CDK10: variants seen among roughly 807,000 people sequenced by gnomAD.
The protein encoded by CDK10 is cyclin dependent kinase 10, also known as cyclin-dependent kinase 10.
CDK10 carries 55 observed loss-of-function variants against 51.0 expected under a neutral mutation model. That is an observed-to-expected ratio of 1.08 (90% CI 0.87 to 1.35). CDK10 has a LOEUF of 1.35. Ranked by LOEUF, CDK10 falls within the 40% of genes most tolerant of loss-of-function variation. CDK10 has a pLI of 0.00. For synonymous variants in CDK10, 255 were observed against 199.1 expected (o/e 1.28, Z -2.36); for missense variants, 589 against 485.1 (o/e 1.21, Z -2.01).
chr16:89,687,994 T>C (rs1000199180), intron 1 of CDK10, among the ~76,000 whole-genome samples: 1 of 151,480 alleles, frequency 6.6e-6, no homozygotes, highest in African/African-American at 2.4e-5. Context: ...GGAGGATTGC[T>C]TGAGCCCAGG....
At position 89,690,592 on chromosome 16, in the gene CDK10, T is replaced by A; in HGVS notation, c.200T>A (p.Leu67Gln). ...RDTQTDEIVA[L>Q]KKVRMDKEKD... ...ACCCAGACAGATGAGATTGTCGCAC[T>A]GAAGAAGGTGCGGATGGACAAGGAG... The change falls in exon 3 of 13, where the codon CTG (leucine) becomes CAG (glutamine). Residue 67 changes from leucine to glutamine, a missense_variant. Transcript: ENST00000353379. The A allele has an allele frequency of 6.2e-7, 1 of 1,614,060 alleles. No individual in the cohort carries two copies. Among genetic ancestry groups the A allele is most frequent in the Non-Finnish European group, 8.5e-7 (1 of 1,179,962 alleles).
chr16:89,695,180 C>T (rs2060656807), intron 11 of CDK10, 110 bp downstream of exon 11: 3 of 1,538,196 alleles, frequency 2.0e-6, no homozygotes, highest in Admixed American at 1.8e-5. Flanking sequence ...GGCACAGCCG[C>T]TCGGAGTGGC....
chr16:89,694,740 C>T lies in CDK10; in HGVS notation c.744C>T (p.Ile248=), dbSNP rs772047655. 9.2e-5 allele frequency: 145 copies of T among 1,575,382 alleles called. No individual in the cohort carries two copies. Among genetic ancestry groups the T allele is most frequent in the Admixed American group, 1.1e-4 (6 of 54,466 alleles). The change falls in exon 10 of 13, where the codon ATC becomes ATT. Residue 248 remains isoleucine (I), a synonymous_variant. Transcript: ENST00000353379. ...CCGGCACTTCCGAGATCCACCAGAT[C>T]GACTTGATCGTGCAGCTGCTGGGCA... ...LLPGTSEIHQ[I]DLIVQLLGTP...
At chr16:89,694,122 G>A (rs2060582039) in intron 8 of CDK10, 51 bp from the exon 9 acceptor site, 1 of 1,585,994 alleles carries the variant, frequency 6.3e-7, no homozygotes, top group Non-Finnish European at 8.7e-7. Context: ...GTGGAGGCCT[G>A]GGCTGGGGGA....
intron 9 of CDK10, 175 bp from the exon 10 acceptor site, chr16:89,694,490 T>A: frequency 8.3e-7 from 1 of 1,208,818 alleles, no homozygotes; most frequent in Non-Finnish European, 1.2e-6. Flanking sequence ...CCGGGAGGCC[T>A]GCGGGGCCCA....
Position 89,694,933 on chromosome 16 carries a change from C to T in CDK10, c.795C>T (p.Gly265=), listed in dbSNP as rs1433161036. The change falls in exon 11 of 13, where the codon GGC becomes GGT. Residue 265 remains glycine, a splice_region_variant and synonymous_variant. Coordinates refer to ENST00000353379, the MANE Select transcript of CDK10 (RefSeq NM_052988.5). ...LGTPSENIWP[G]FSKLPLVGQY... ...GCCTCAGCTCCTGCCTCCCATAGGG[C>T]TTTTCCAAGCTGCCACTGGTCGGCC... is the stretch of plus-strand genomic sequence containing the variant. 1 of 1,612,836 alleles carries T rather than the reference C, an allele frequency of 6.2e-7. No individual in the cohort carries two copies. The highest frequency in any genetic ancestry group is 8.5e-7 in the Non-Finnish European group (1 of 1,179,984).
chr16:89,686,845 C>G (rs1294740838), intron 1 of CDK10, 48 bp downstream of exon 1: 1 of 1,516,478 alleles, frequency 6.6e-7, no homozygotes, highest in Non-Finnish European at 9.1e-7. Context: ...GCTAGCGGCA[C>G]TGCCCGGCTG....
rs1211009396 is a variant in CDK10, at chr16:89,695,802, C to T, written c.*110C>T. ...CAGGCGCCCGGGATCCAGCTCATCCCCTTGGCTGGGAACATCCTCCACTGA... is the reference window on the plus strand; with the variant it reads ...CAGGCGCCCGGGATCCAGCTCATCCTCTTGGCTGGGAACATCCTCCACTGA... On this transcript the variant is annotated 3_prime_UTR_variant, in exon 13 of 13. Transcript: ENST00000353379. 1.3e-6 allele frequency: 2 copies of T among 1,560,466 alleles called. No individual in the cohort carries two copies. Among genetic ancestry groups the T allele is most frequent in the Non-Finnish European group, 1.7e-6 (2 of 1,156,312 alleles).
At chr16:89,687,680 C>G (rs1404879450) in intron 1 of CDK10, 2 of 438,464 alleles carry the variant, frequency 4.6e-6, no homozygotes, top group East Asian at 7.2e-5. Context: ...CTTCCTGCCT[C>G]GGCCTCCCAA....
intron 1 of CDK10, 31 bp downstream of exon 1, chr16:89,686,828 C>A (rs773330906): frequency 1.3e-6 from 2 of 1,580,748 alleles, no homozygotes; most frequent in Non-Finnish European, 1.7e-6. Flanking sequence ...GCAGCTCTGC[C>A]CGCCTCGCTA....
At chr16:89,693,557 C>A (rs1206330337) in intron 8 of CDK10, 90 bp downstream of exon 8, 3 of 1,319,850 alleles carry the variant, frequency 2.3e-6, no homozygotes, top group East Asian at 2.3e-5. Context: ...CTGCAACTGG[C>A]CTTGGGAATG....
chr16:89,694,686 C>T lies in CDK10; in HGVS notation c.690C>T (p.Ala230=), dbSNP rs765411127. ...GCAGGGCTGTGGGCTGCATACTGGCCGAGCTGCTGGCGCACAGGCCTCTTC... is the reference window on the plus strand; with the variant it reads ...GCAGGGCTGTGGGCTGCATACTGGCTGAGCTGCTGGCGCACAGGCCTCTTC... ...IDMWAVGCIL[A]ELLAHRPLLP... Residue 230 remains alanine, a synonymous_variant, in exon 10 of 13, where the codon GCC becomes GCT. Transcript: ENST00000353379. 9.4e-6 allele frequency: 15 copies of T among 1,588,846 alleles called. No individual in the cohort carries two copies. The highest frequency in any genetic ancestry group is 1.7e-4 in the Middle Eastern group (1 of 6,060).
rs536175047 is a variant in CDK10 at position 89,695,956 on chromosome 16, CAT to C, written c.*265_*266del. The C allele has an allele frequency of 3.0e-4, 194 of 647,464 alleles. 2 individuals are homozygous for C. The South Asian group carries it at 3.0e-3, about 10-fold the overall frequency. 40.1% of individuals were successfully genotyped at this position (647,464 alleles called of 1,614,324 possible). A position where few individuals can be genotyped will look rare whatever the true frequency, so the allele number is the denominator to read the frequency against. On this transcript the variant is annotated 3_prime_UTR_variant, in exon 13 of 13. Transcript: ENST00000353379. ...GCTCCATCCGTGGCTGCAGGGGTCT[CAT>C]GTGGTCCTCCTCGCTATGTTGGAAA... is the stretch of plus-strand genomic sequence containing the variant.
At chr16:89,688,668 T>G (rs1279601345) in intron 1 of CDK10, among the ~76,000 whole-genome samples, 1 of 152,212 alleles carries the variant, frequency 6.6e-6, no homozygotes. Context: ...CAGGAGGTAG[T>G]GATACAGGGA....
chr16:89,693,137 C>CA (rs56171201), intron 6 of CDK10, 137 bp from the exon 7 acceptor site: 18,138 of 567,976 alleles, frequency 0.032, no homozygotes, highest in East Asian at 0.089. Flanking sequence ...GACTCTGTCT[C>CA]AAAAAAAAAA....
In CDK10 at chr16:89,695,720, C is replaced by T. The variant is rs1472727259; in HGVS notation, c.*28C>T. The T allele has an allele frequency of 2.5e-6, 4 of 1,591,342 alleles. No individual in the cohort carries two copies. Among genetic ancestry groups the T allele is most frequent in the Admixed American group, 1.7e-5 (1 of 57,458 alleles). ...GTGGGCCTGGCACACGCCTGTATTCCCACACCAGGTCTTCCGATCAGTGGT... is the reference window on the plus strand; with the variant it reads ...GTGGGCCTGGCACACGCCTGTATTCTCACACCAGGTCTTCCGATCAGTGGT... On this transcript the variant is annotated 3_prime_UTR_variant, in exon 13 of 13. Coordinates refer to ENST00000353379, the MANE Select transcript of CDK10 (RefSeq NM_052988.5).
intron 6 of CDK10, 80 bp downstream of exon 6, chr16:89,692,596 C>G (rs2060501821): frequency 2.8e-6 from 3 of 1,064,524 alleles, no homozygotes; most frequent in South Asian, 1.7e-5. Flanking sequence ...TTACTAAAAG[C>G]TCAGGGGTTC....
chr16:89,693,912 G>A (rs1021636772), intron 8 of CDK10: 11 of 589,732 alleles, frequency 1.9e-5, no homozygotes, highest in Admixed American at 1.5e-4. Flanking sequence ...ATCTGAGAAC[G>A]GGTTGGTAGT....
chr16:89,695,289 C>G lies in CDK10; in HGVS notation c.933-4C>G, dbSNP rs1231286666. The G allele has an allele frequency of 6.2e-7, 1 of 1,609,836 alleles. No homozygotes were observed. On this transcript the variant is annotated splice_polypyrimidine_tract_variant and splice_region_variant and intron_variant, in intron 11 of 12. Transcript: ENST00000353379. ...GTCGCACTAACGCAGGCTGCCTCCT[C>G]CAGGGCGACGGCCGGGGACTGCCTG...
Sources: gnomAD v4.1 joint callset for allele counts (sites outside exome capture counted in the v4.1 genomes callset) on GRCh38, gnomAD v4.1.1 for gene constraint, MANE v1.5 for transcripts, NCBI Gene and HGNC (gene_info 2026-07-23, HGNC 2026-07-21) for gene names.